The following CHCHD6 variants were observed in gnomAD, a reference collection of about 807,000 sequenced individuals.
CHCHD6 encodes the protein MICOS complex subunit MIC25.
A neutral mutation model predicts 32.3 loss-of-function variants in CHCHD6; 28 were observed. The observed-to-expected ratio is 0.87, with a 90% CI of 0.64 to 1.19. The LOEUF is 1.19. Among genes scored for constraint, CHCHD6 ranks in the 50% most tolerant of loss-of-function variants. CHCHD6 has a pLI of 0.00. For missense variants in CHCHD6, 333 were observed against 307.0 expected, an observed-to-expected ratio of 1.08 and a Z score of -0.63; for synonymous variants, 122 against 117.5, an observed-to-expected ratio of 1.04 and a Z score of -0.25.
At chr3:126,748,620 A>C (rs1427714429) in intron 4 of CHCHD6, among the ~76,000 whole-genome samples, 1 of 152,046 alleles carries the variant, frequency 6.6e-6, no homozygotes, top group African/African-American at 2.4e-5. Flanking sequence ...AAAGAAAGAA[A>C]AGAAATTACC....
At position 126,920,450 on chromosome 3, in the gene CHCHD6, A is replaced by T. The variant is rs2078231343; in HGVS notation, c.566+5700A>T. 6.6e-5 allele frequency among the ~76,000 whole-genome samples: 10 copies of T among 152,018 alleles called. No homozygotes were observed. In the South Asian group the frequency reaches 2.1e-3, roughly 32 times the overall value. On this transcript the variant is annotated intron_variant, in intron 6 of 7. Coordinates refer to ENST00000290913, the MANE Select transcript of CHCHD6 (RefSeq NM_032343.3). ...TGACCTTCCCCAGAGATGCCTAGGG[A>T]TGTGGCTTTCCAGGGTCCCTCTTTC...
intron 5 of CHCHD6, among the ~76,000 whole-genome samples, chr3:126,879,355 T>C (rs1202990310): frequency 6.6e-6 from 1 of 152,198 alleles, no homozygotes; most frequent in African/African-American, 2.4e-5. Flanking sequence ...TGGGATCTTA[T>C]AATGGAGCAG....
chr3:126,880,739 C>T (rs2077597299), intron 5 of CHCHD6, among the ~76,000 whole-genome samples: 1 of 152,102 alleles, frequency 6.6e-6, no homozygotes, highest in South Asian at 2.1e-4. Flanking sequence ...AAGTATATAG[C>T]ATTAGAAGAG....
At chr3:126,835,602 T>C (rs1200239922) in intron 4 of CHCHD6, among the ~76,000 whole-genome samples, 1 of 152,222 alleles carries the variant, frequency 6.6e-6, no homozygotes, top group Non-Finnish European at 1.5e-5. Context: ...TGCAAGGAAC[T>C]ATAGGTCTGT....
chr3:126,847,497 G>A (rs1248942402), intron 4 of CHCHD6, among the ~76,000 whole-genome samples: 1 of 152,168 alleles, frequency 6.6e-6, no homozygotes, highest in Non-Finnish European at 1.5e-5. Flanking sequence ...AGAAATCACT[G>A]TCTTTTAAAA....
intron 4 of CHCHD6, among the ~76,000 whole-genome samples, chr3:126,738,412 T>A (rs1296229933): frequency 2.6e-5 from 4 of 152,210 alleles, no homozygotes; most frequent in African/African-American, 9.7e-5. Context: ...TGAATTGCAA[T>A]TTTCTAAAAT....
At chr3:126,773,156 A>G (rs1937574044) in intron 4 of CHCHD6, among the ~76,000 whole-genome samples, 1 of 152,006 alleles carries the variant, frequency 6.6e-6, no homozygotes, top group Non-Finnish European at 1.5e-5. Flanking sequence ...CTCTAACTGC[A>G]TTTAACATTT....
chr3:126,776,366 T>A (rs1937648151), intron 4 of CHCHD6, among the ~76,000 whole-genome samples: 1 of 152,210 alleles, frequency 6.6e-6, no homozygotes, highest in African/African-American at 2.4e-5. Flanking sequence ...GAGTTCTGAT[T>A]ATGTCTGATG....
intron 4 of CHCHD6, among the ~76,000 whole-genome samples, chr3:126,736,882 G>T (rs1035661147): frequency 1.3e-5 from 2 of 152,176 alleles, no homozygotes; most frequent in South Asian, 4.1e-4. Context: ...CTTCTGATGG[G>T]TGGAGTCTTA....
At chr3:126,866,990 G>T (rs73205610) in intron 5 of CHCHD6, among the ~76,000 whole-genome samples, 13,950 of 152,162 alleles carry the variant, frequency 0.092, 826 homozygotes, top group Middle Eastern at 0.22. Context: ...GATCCACCAG[G>T]GCCACCGTGC....
chr3:126,714,943 C>G lies in CHCHD6; in HGVS notation c.87+10544C>G, dbSNP rs1422170254. ...TTCAATGCAAAGACTAATGCTTAAA[C>G]TGCCTCCCCATTGCGCCTTCCCAAA... On this transcript the variant is annotated intron_variant, in intron 1 of 7. Transcript: ENST00000290913. Among the ~76,000 whole-genome samples the G allele has an allele frequency of 5.3e-5, 8 of 152,318 alleles. No homozygotes were observed. In the East Asian group the frequency reaches 1.5e-3, roughly 29 times the overall value.
intron 6 of CHCHD6, among the ~76,000 whole-genome samples, chr3:126,939,305 T>C (rs539705107): frequency 3.7e-4 from 57 of 152,318 alleles, no homozygotes; most frequent in Non-Finnish European, 5.9e-4. Flanking sequence ...AATGACATGA[T>C]CAGATGTGTG....
At chr3:126,905,873 G>A (rs934727915) in intron 5 of CHCHD6, among the ~76,000 whole-genome samples, 1 of 152,168 alleles carries the variant, frequency 6.6e-6, no homozygotes, top group African/African-American at 2.4e-5. Context: ...AGCTAGTGGT[G>A]TTCACTACTT....
At chr3:126,891,699 G>A (rs1351473434) in intron 5 of CHCHD6, among the ~76,000 whole-genome samples, 1 of 152,256 alleles carries the variant, frequency 6.6e-6, no homozygotes, top group Non-Finnish European at 1.5e-5. Context: ...GAGGGAGTGG[G>A]GTTGTGAGAA....
At chr3:126,897,859 C>T (rs1234989956) in intron 5 of CHCHD6, among the ~76,000 whole-genome samples, 4 of 152,220 alleles carry the variant, frequency 2.6e-5, no homozygotes, top group African/African-American at 9.6e-5. Context: ...ATGTACACCC[C>T]AGCATAGGAG....
At chr3:126,928,133 C>G (rs1186803798) in intron 6 of CHCHD6, among the ~76,000 whole-genome samples, 2 of 152,246 alleles carry the variant, frequency 1.3e-5, no homozygotes, top group South Asian at 2.1e-4. Flanking sequence ...GCTGCGATGA[C>G]TTCCGTGAGA....
intron 1 of CHCHD6, among the ~76,000 whole-genome samples, chr3:126,716,717 A>C (rs979166197): frequency 1.3e-5 from 2 of 151,996 alleles, no homozygotes; most frequent in Non-Finnish European, 2.9e-5. Flanking sequence ...GTTGGAGTGA[A>C]GACAAAAAAG....
At chr3:126,720,689 G>A (rs13061453) in intron 1 of CHCHD6, among the ~76,000 whole-genome samples, 39,456 of 152,130 alleles carry the variant, frequency 0.26, 6,403 homozygotes, top group East Asian at 0.62. Context: ...GCTGGCTTCA[G>A]GAAGTTCTCT....
intron 4 of CHCHD6, among the ~76,000 whole-genome samples, chr3:126,764,125 CATTT>C (rs1313488816): frequency 6.7e-6 from 1 of 149,202 alleles, no homozygotes; most frequent in South Asian, 2.1e-4. Flanking sequence ...ACAATTATAT[CATTT>C]ATTTAAAATG....
Sources: gnomAD v4.1 joint callset for allele counts (sites outside exome capture counted in the v4.1 genomes callset) on GRCh38, gnomAD v4.1.1 for gene constraint, MANE v1.5 for transcripts, NCBI Gene and HGNC (gene_info 2026-07-23, HGNC 2026-07-21) for gene names.